The following CDH13 variants were observed in gnomAD, a reference collection of about 807,000 sequenced individuals.
CDH13 encodes cadherin-13.
A neutral mutation model predicts 63.8 loss-of-function variants in CDH13; 24 were observed. The ratio of observed to expected loss-of-function variants is 0.38; its 90% confidence interval spans 0.27 to 0.53. The LOEUF (loss-of-function observed/expected upper bound fraction) is 0.53. Among genes scored for constraint, CDH13 ranks in the 20% least tolerant of loss-of-function variants. The probability of loss-of-function intolerance (pLI) is 0.85; values close to 1 mark genes in which losing one functional copy is unlikely to be tolerated. For synonymous variants in CDH13, 503 were observed against 355.3 expected (o/e 1.42, Z -4.67); for missense variants, 1,049 against 903.1 (o/e 1.16, Z -2.07).
chr16:83,710,723 A>T (rs1907910123), intron 10 of CDH13, among the ~76,000 whole-genome samples: 1 of 151,922 alleles, frequency 6.6e-6, no homozygotes, highest in African/African-American at 2.4e-5. Flanking sequence ...GGAAGATTGT[A>T]ATGAGTTAAA....
chr16:83,152,272 G>A (rs1040212984), intron 4 of CDH13, among the ~76,000 whole-genome samples: 1 of 152,088 alleles, frequency 6.6e-6, no homozygotes, highest in African/African-American at 2.4e-5. Flanking sequence ...AATGATCCAC[G>A]ACAAGGAAGT....
intron 5 of CDH13, among the ~76,000 whole-genome samples, chr16:83,312,105 T>A (rs1243843967): frequency 6.6e-6 from 1 of 150,528 alleles, no homozygotes; most frequent in African/African-American, 2.4e-5. Context: ...GGAGACAGTG[T>A]GCCTCCACTT....
chr16:82,994,252 A>G (rs772266801), intron 2 of CDH13, among the ~76,000 whole-genome samples: 1 of 152,172 alleles, frequency 6.6e-6, no homozygotes, highest in Non-Finnish European at 1.5e-5. Flanking sequence ...CAGTTCTTGG[A>G]TGGGCCTCTT....
At chr16:82,691,640 A>G (rs16958308) in intron 1 of CDH13, among the ~76,000 whole-genome samples, 4,570 of 152,274 alleles carry the variant, frequency 0.03, 227 homozygotes, top group African/African-American at 0.1. Context: ...CAAAGAAAAT[A>G]CATTATAAGC....
chr16:83,436,345 T>A (rs1567671522), intron 6 of CDH13, among the ~76,000 whole-genome samples: 1 of 152,094 alleles, frequency 6.6e-6, no homozygotes, highest in East Asian at 1.9e-4. Flanking sequence ...TTGTCTTTTT[T>A]AAAAAAACGT....
intron 7 of CDH13, among the ~76,000 whole-genome samples, chr16:83,579,710 A>T (rs993236943): frequency 1.3e-5 from 2 of 152,094 alleles, no homozygotes; most frequent in Non-Finnish European, 2.9e-5. Context: ...TCATCCCTGG[A>T]GCTGTACTGA....
chr16:83,582,601 C>T (rs1347527455), intron 7 of CDH13, among the ~76,000 whole-genome samples: 1 of 152,172 alleles, frequency 6.6e-6, no homozygotes, highest in Non-Finnish European at 1.5e-5. Flanking sequence ...TGTTAGGACA[C>T]ACAGGAGCCT....
chr16:83,372,414 C>CA (rs1272353644), intron 6 of CDH13, among the ~76,000 whole-genome samples: 2 of 151,974 alleles, frequency 1.3e-5, no homozygotes, highest in Non-Finnish European at 2.9e-5. Context: ...AAATTCAGTG[C>CA]AAAAAATATA....
chr16:83,782,387 T>C (rs1306027180), intron 12 of CDH13, among the ~76,000 whole-genome samples: 1 of 152,116 alleles, frequency 6.6e-6, no homozygotes, highest in Non-Finnish European at 1.5e-5. Context: ...ATCCAGTCTC[T>C]ATGTTGCGGG....
intron 2 of CDH13, among the ~76,000 whole-genome samples, chr16:83,015,483 G>C (rs1266484949): frequency 6.6e-6 from 1 of 151,054 alleles, no homozygotes; most frequent in Non-Finnish European, 1.5e-5. Flanking sequence ...AGTATTCCTG[G>C]TGATAGTATC....
chr16:83,586,477 C>T (rs914902942), intron 7 of CDH13, among the ~76,000 whole-genome samples: 1 of 152,196 alleles, frequency 6.6e-6, no homozygotes, highest in Admixed American at 6.5e-5. Context: ...GCACACTTGT[C>T]TTTATCAACA....
Position 83,670,879 on chromosome 16 carries a change from G to A in CDH13, c.1191G>A (p.Arg397=). The A allele has an allele frequency of 6.2e-7, 1 of 1,613,794 alleles. No individual in the cohort carries two copies. The highest frequency in any genetic ancestry group is 8.5e-7 in the Non-Finnish European group (1 of 1,179,774). ...DKDDPTTGAW[R]AAYTIINGNP... is the part of the protein sequence containing the mutation. Reference sequence around the variant, plus strand: ...ATGACCCCACCACAGGTGCATGGAGGGCTGCCTACACCATCATCAACGGAA... The same window carrying A: ...ATGACCCCACCACAGGTGCATGGAGAGCTGCCTACACCATCATCAACGGAA... The change falls in exon 9 of 14, where the codon AGG becomes AGA. Residue 397 remains arginine, a synonymous_variant. Coordinates refer to ENST00000567109, the MANE Select transcript of CDH13 (RefSeq NM_001257.5).
chr16:83,434,413 C>T (rs955516298), intron 6 of CDH13, among the ~76,000 whole-genome samples: 2 of 152,152 alleles, frequency 1.3e-5, no homozygotes, highest in African/African-American at 4.8e-5. Context: ...CCTGTTGCCT[C>T]TGAAATATAA....
chr16:82,661,584 T>G (rs1313646453), intron 1 of CDH13, among the ~76,000 whole-genome samples: 1 of 152,350 alleles, frequency 6.6e-6, no homozygotes, highest in East Asian at 1.9e-4. Flanking sequence ...GATCCGTGCC[T>G]CTTGGTTTAT....
intron 1 of CDH13, among the ~76,000 whole-genome samples, chr16:82,834,960 G>T (rs2038702684): frequency 6.6e-6 from 1 of 152,128 alleles, no homozygotes; most frequent in Non-Finnish European, 1.5e-5. Context: ...GGCTCTTTAA[G>T]AAAATGTTTG....
At chr16:83,160,346 C>A (rs1157422039) in intron 4 of CDH13, among the ~76,000 whole-genome samples, 1 of 151,800 alleles carries the variant, frequency 6.6e-6, no homozygotes, top group Non-Finnish European at 1.5e-5. Flanking sequence ...TGAAACTGCT[C>A]TTAAAAAAAC....
intron 3 of CDH13, among the ~76,000 whole-genome samples, chr16:83,115,720 C>T (rs1478131572): frequency 1.3e-5 from 2 of 152,216 alleles, no homozygotes; most frequent in South Asian, 2.1e-4. Context: ...CTTTGCCTTG[C>T]TAAAAATATC....
intron 1 of CDH13, among the ~76,000 whole-genome samples, chr16:82,804,282 C>T (rs1689626652): frequency 7.4e-6 from 1 of 135,254 alleles, no homozygotes; most frequent in African/African-American, 2.9e-5. Context: ...TTGCTACACA[C>T]ACACACACAC....
chr16:82,753,251 G>A (rs992989109), intron 1 of CDH13, among the ~76,000 whole-genome samples: 2 of 152,168 alleles, frequency 1.3e-5, no homozygotes, highest in African/African-American at 4.8e-5. Flanking sequence ...TGGCATCTCA[G>A]TTCAATCTCT....
Sources: allele counts gnomAD v4.1 joint callset (sites outside exome capture counted in the v4.1 genomes callset), GRCh38; gene constraint gnomAD v4.1.1; transcripts MANE v1.5; gene names NCBI Gene and HGNC (gene_info 2026-07-23, HGNC 2026-07-21).